FHIP2A: variants seen among roughly 807,000 people sequenced by gnomAD.
FHIP2A encodes FHF complex subunit HOOK interacting protein 2A, also known as family with sequence similarity 160 member B1.
A neutral mutation model predicts 93.5 loss-of-function variants in FHIP2A; 46 were observed. The ratio of observed to expected loss-of-function variants is 0.49; its 90% CI spans 0.39 to 0.63. FHIP2A has a LOEUF of 0.63. Among genes scored for constraint, FHIP2A ranks in the 20% least tolerant of loss-of-function variants. The pLI, the probability that FHIP2A is intolerant of heterozygous loss-of-function variation, is 0.00. For synonymous variants in FHIP2A, 332 were observed against 326.5 expected (o/e 1.02, Z -0.18); for missense variants, 769 against 909.7 (o/e 0.85, Z 1.99).
At chr10:114,833,728 A>G (rs1157155534) in intron 3 of FHIP2A, among the ~76,000 whole-genome samples, 1 of 152,176 alleles carries the variant, frequency 6.6e-6, no homozygotes, top group African/African-American at 2.4e-5. Flanking sequence ...AAAAATAGGA[A>G]TTATTTGTCA....
At chr10:114,890,512 A>G (rs556316561) in intron 16 of FHIP2A, among the ~76,000 whole-genome samples, 1 of 146,470 alleles carries the variant, frequency 6.8e-6, no homozygotes, top group East Asian at 1.9e-4. Context: ...TATAGTATAT[A>G]AAATATACGC....
At position 114,861,916 on chromosome 10, in the gene FHIP2A, T is replaced by C. The variant is rs1008092839; in HGVS notation, c.*376T>C. The C allele has an allele frequency of 4.0e-6, 4 of 988,382 alleles. No homozygotes were observed. The African/African-American group carries it at 7.0e-5, about 17-fold the overall frequency. The allele number at this position is 988,382 out of a possible 1,614,324, so 61.2% of individuals were successfully genotyped here. On this transcript the variant is annotated 3_prime_UTR_variant, in exon 17 of 17. Coordinates refer to ENST00000369248, the MANE Select transcript of FHIP2A (RefSeq NM_020940.4). Reference sequence around the variant, plus strand: ...GGTAGCAAGGCATTTTGACATTCTCTGGGACTCAAATGCTTGTATTCTTTT... The same window carrying C: ...GGTAGCAAGGCATTTTGACATTCTCCGGGACTCAAATGCTTGTATTCTTTT...
At chr10:114,852,385 T>A (rs560861637) in intron 13 of FHIP2A, among the ~76,000 whole-genome samples, 2 of 152,340 alleles carry the variant, frequency 1.3e-5, no homozygotes, top group African/African-American at 4.8e-5. Flanking sequence ...GCAGAACTTA[T>A]GATTGATGCC....
At position 114,862,065 on chromosome 10, in the gene FHIP2A, T is replaced by TC; in HGVS notation, c.*525_*526insC. On this transcript the variant is annotated 3_prime_UTR_variant, in exon 17 of 17. Coordinates refer to ENST00000369248, the MANE Select transcript of FHIP2A (RefSeq NM_020940.4). ...ACAATTCAGAAACCATTGAATGAAT[T>TC]AATTATAGGCGATAAAAATGTGTAG... The TC allele has an allele frequency of 1.0e-6, 1 of 963,628 alleles. No homozygotes were observed. The highest frequency in any genetic ancestry group is 4.8e-5 in the South Asian group (1 of 20,770). The allele number at this position is 963,628 out of a possible 1,614,324, so 59.7% of individuals were successfully genotyped here. A position where few individuals can be genotyped will look rare whatever the true frequency, so the allele number is the denominator to read the frequency against.
chr10:114,891,219 A>AATATATATATATAT lies in FHIP2A; in HGVS notation c.2193-8262_2193-8249dup, dbSNP rs67046628. On this transcript the variant is annotated intron_variant, in intron 16 of 16. Coordinates refer to the FHIP2A transcript ENST00000369250. ...AACAACCATAACAACAACAACAACAAATATATATATATATATATATATGCA... is the reference window on the plus strand; with the variant it reads ...AACAACCATAACAACAACAACAACAAATATATATATATATATATATATATATATATATATATGCA... 2.2e-3 allele frequency among the ~76,000 whole-genome samples: 300 copies of AATATATATATATAT among 138,440 alleles called. 1 individual carries two copies. Among genetic ancestry groups the AATATATATATATAT allele is most frequent in the South Asian group, 2.9e-3 (12 of 4,166 alleles). The allele number at this position is 138,440 out of a possible 152,430, so 90.8% of individuals were successfully genotyped here. A position where few individuals can be genotyped will look rare whatever the true frequency, so the allele number is the denominator to read the frequency against.
chr10:114,837,530 CATAA>C (rs1374937710), intron 5 of FHIP2A, among the ~76,000 whole-genome samples: 6 of 152,108 alleles, frequency 3.9e-5, no homozygotes. Context: ...ATACAAAATA[CATAA>C]ATAAATTTTT....
chr10:114,858,337 C>G (rs2083778755), intron 14 of FHIP2A, among the ~76,000 whole-genome samples: 1 of 152,224 alleles, frequency 6.6e-6, no homozygotes, highest in South Asian at 2.1e-4. Flanking sequence ...TAATCTGTGT[C>G]AGCCTTAAAT....
chr10:114,837,560 G>T (rs1231253343), intron 5 of FHIP2A, among the ~76,000 whole-genome samples: 1 of 151,868 alleles, frequency 6.6e-6, no homozygotes, highest in Non-Finnish European at 1.5e-5. Flanking sequence ...TCTTTTTTTG[G>T]ATTAAGATAT....
chr10:114,848,094 G>T (rs905706482), intron 12 of FHIP2A, among the ~76,000 whole-genome samples: 1 of 152,150 alleles, frequency 6.6e-6, no homozygotes, highest in African/African-American at 2.4e-5. Context: ...TTGTTAGTTC[G>T]TGGTTTTATG....
At chr10:114,876,377 TACTGCAGTCCAG>T (rs2083889369) in intron 16 of FHIP2A, among the ~76,000 whole-genome samples, 1 of 152,156 alleles carries the variant, frequency 6.6e-6, no homozygotes, top group Admixed American at 6.6e-5. Flanking sequence ...CGCAACAGGG[TACTGCAGTCCAG>T]ACTCCATCAC....
intron 12 of FHIP2A, among the ~76,000 whole-genome samples, chr10:114,848,046 T>C (rs934985583): frequency 6.6e-6 from 1 of 152,216 alleles, no homozygotes; most frequent in Non-Finnish European, 1.5e-5. Flanking sequence ...TAAGATGTAC[T>C]TATTAAACAT....
At chr10:114,861,153 A>G in intron 15 of FHIP2A, 78 bp from the exon 16 acceptor site, 1 of 1,563,830 alleles carries the variant, frequency 6.4e-7, no homozygotes, top group Non-Finnish European at 8.6e-7. Flanking sequence ...GTAGGGAAGG[A>G]AGATTTTTCT....
chr10:114,833,182 T>TA (rs1173568426), intron 2 of FHIP2A, 51 bp from the exon 3 acceptor site: 1 of 1,423,954 alleles, frequency 7.0e-7, no homozygotes, highest in African/African-American at 1.4e-5. Flanking sequence ...TAGGTGCAAA[T>TA]ATGCAGTTTA....
chr10:114,860,526 A>G (rs1383456560), intron 14 of FHIP2A, among the ~76,000 whole-genome samples: 1 of 151,818 alleles, frequency 6.6e-6, no homozygotes, highest in Non-Finnish European at 1.5e-5. Context: ...CTAATTTTGT[A>G]TTTTGAGTAG....
intron 13 of FHIP2A, among the ~76,000 whole-genome samples, chr10:114,852,031 G>C (rs1566374526): frequency 6.6e-6 from 1 of 151,746 alleles, no homozygotes; most frequent in Non-Finnish European, 1.5e-5. Context: ...TTTGTGTATT[G>C]AGCGTCTATC....
At chr10:114,898,488 C>T (rs916960969) in intron 16 of FHIP2A, among the ~76,000 whole-genome samples, 3 of 152,184 alleles carry the variant, frequency 2.0e-5, no homozygotes, top group Non-Finnish European at 4.4e-5. Flanking sequence ...CAAACTTCTC[C>T]TCTATCTACT....
chr10:114,885,857 A>G (rs1362108108), intron 16 of FHIP2A, among the ~76,000 whole-genome samples: 1 of 152,210 alleles, frequency 6.6e-6, no homozygotes, highest in Non-Finnish European at 1.5e-5. Context: ...AGAAAGCAAT[A>G]GGCTTTGCAA....
chr10:114,842,826 C>A, intron 5 of FHIP2A, 107 bp from the exon 6 acceptor site: 1 of 675,436 alleles, frequency 1.5e-6, no homozygotes, highest in Non-Finnish European at 2.5e-6. Flanking sequence ...ACATCTATTG[C>A]TACTTTGGCT....
At position 114,846,872 on chromosome 10, in the gene FHIP2A, C is replaced by T. The variant is rs914038409; in HGVS notation, c.1568+144C>T. The T allele has an allele frequency of 7.6e-6, 6 of 791,720 alleles. No individual in the cohort carries two copies. The African/African-American group carries it at 8.8e-5, about 12-fold the overall frequency. The allele number at this position is 791,720 out of a possible 1,614,324, so 49.0% of individuals were successfully genotyped here. On this transcript the variant is annotated intron_variant, in intron 11 of 16. Transcript: ENST00000369248. ...AAAAGTAAAATTAGATGCATTGATA[C>T]TACCATCCTTTTACATTACAAATAA...
Sources: allele counts gnomAD v4.1 joint callset (sites outside exome capture counted in the v4.1 genomes callset), GRCh38; gene constraint gnomAD v4.1.1; transcripts MANE v1.5; gene names NCBI Gene and HGNC (gene_info 2026-07-23, HGNC 2026-07-21).